The following ATAD5 variants were observed in gnomAD, a reference collection of about 807,000 sequenced individuals.
ATAD5 encodes ATPase family AAA domain-containing protein 5.
Under a neutral mutation model 176.9 loss-of-function variants are expected in ATAD5, and 58 were observed. The observed-to-expected ratio is 0.33, with a 90% CI of 0.27 to 0.41. The LOEUF is 0.41. Among genes scored for constraint, ATAD5 ranks in the 10% least tolerant of loss-of-function variants. ATAD5 has a pLI of 1.00. For missense variants in ATAD5, 1,789 were observed against 2,094.1 expected (o/e 0.85, Z 2.84); for synonymous variants, 640 against 712.6 (o/e 0.90, Z 1.62).
chr17:30,889,059 CA>C (rs58343790), intron 19 of ATAD5, among the ~76,000 whole-genome samples: 16,701 of 82,082 alleles, frequency 0.2, 971 homozygotes, highest in South Asian at 0.34. Context: ...GACTCTGTCT[CA>C]AAAAAAAAAA....
At chr17:30,882,211 G>A (rs574772496) in intron 18 of ATAD5, among the ~76,000 whole-genome samples, 3 of 151,786 alleles carry the variant, frequency 2.0e-5, no homozygotes, top group South Asian at 2.1e-4. Flanking sequence ...AGCCAAGATC[G>A]CGCCATTGCA....
chr17:30,843,877 G>T, intron 4 of ATAD5, 36 bp from the exon 5 acceptor site: 2 of 1,148,566 alleles, frequency 1.7e-6, no homozygotes, highest in South Asian at 4.0e-5. Flanking sequence ...TTAATTATAT[G>T]ATTTAATTAA....
chr17:30,878,728 T>TTTTGTTTTG (rs1908827533), intron 17 of ATAD5, among the ~76,000 whole-genome samples: 1 of 95,872 alleles, frequency 1.0e-5, no homozygotes, highest in African/African-American at 3.8e-5. Context: ...GTTTTTTTTT[T>TTTTGTTTTG]TTTTTTTTTT....
chr17:30,884,072 T>C (rs1222129657), intron 18 of ATAD5, among the ~76,000 whole-genome samples: 1 of 152,166 alleles, frequency 6.6e-6, no homozygotes, highest in Non-Finnish European at 1.5e-5. Flanking sequence ...TCCTGTCCAG[T>C]AGTTGCTGGC....
rs201963119 is a variant in ATAD5 at position 30,856,956 on chromosome 17, G to T, written c.2637G>T (p.Gly879=). 4 of 1,577,144 alleles carry T rather than the reference G, an allele frequency of 2.5e-6. No individual in the cohort carries two copies. In the East Asian group the frequency reaches 6.8e-5, roughly 27 times the overall value. The change falls in exon 8 of 23, where the codon GGG becomes GGT. Residue 879 remains glycine, a splice_region_variant and synonymous_variant. Transcript: ENST00000321990. ...AGATATTTGTCTATTTTTCTTTAGG[G>T]TGTTGTTTGTGGCATTTGAAACCAC... ...RVVHVQQKDD[G]CCLWHLKPPS...
At chr17:30,881,783 G>A (rs1420225997) in intron 18 of ATAD5, among the ~76,000 whole-genome samples, 2 of 151,952 alleles carry the variant, frequency 1.3e-5, no homozygotes, top group African/African-American at 2.4e-5. Flanking sequence ...ATGTGGTAGC[G>A]CACACCTGTA....
chr17:30,858,116 T>C (rs939432987), intron 8 of ATAD5, 45 bp from the exon 9 acceptor site: 2 of 1,394,090 alleles, frequency 1.4e-6, no homozygotes, highest in Non-Finnish European at 1.9e-6. Context: ...TTAACATGAA[T>C]AGATGATGTT....
In ATAD5 at chr17:30,855,255, G is replaced by A; in HGVS notation, c.2563G>A (p.Ala855Thr). The change falls in exon 7 of 23, where the codon GCT becomes ACT. Residue 855 changes from alanine to threonine, a missense_variant. By Grantham distance (58) the Ala-to-Thr change is moderately conservative. Around this residue, in one of 6 missense-constraint regions of ATAD5, gnomAD observed 487 missense variants for 573.6 expected, o/e 0.85. Coordinates refer to ENST00000321990, the MANE Select transcript of ATAD5 (RefSeq NM_024857.5). ...GAAACGGCAAATTGCAAAGAAAGCT[G>A]CTGCGCTGGATGTGTACAATGCAGT... Reference protein sequence around the residue: ...LLKRQIAKKAAALDVYNAVST... With the variant: ...LLKRQIAKKATALDVYNAVST... 1 of 1,614,144 alleles carries A rather than the reference G, an allele frequency of 6.2e-7. No individual in the cohort carries two copies. The highest frequency in any genetic ancestry group is 8.5e-7 in the Non-Finnish European group (1 of 1,180,020).
At chr17:30,884,541 G>A (rs1909208030) in intron 18 of ATAD5, among the ~76,000 whole-genome samples, 1 of 141,170 alleles carries the variant, frequency 7.1e-6, no homozygotes, top group Non-Finnish European at 1.5e-5. Flanking sequence ...CAATTCTCTT[G>A]CCTCAGCCTC....
At chr17:30,866,740 G>A (rs918659572) in intron 11 of ATAD5, among the ~76,000 whole-genome samples, 3 of 151,956 alleles carry the variant, frequency 2.0e-5, no homozygotes, top group Non-Finnish European at 2.9e-5. Context: ...GCCTGAACCC[G>A]GGAGGTGAGG....
In ATAD5 at chr17:30,876,652, T is replaced by A. The variant is rs1908696856; in HGVS notation, c.3784+102T>A. 5.3e-6 allele frequency: 3 copies of A among 568,804 alleles called. No individual in the cohort carries two copies. In the South Asian group the frequency reaches 9.4e-5, roughly 18 times the overall value. The allele number at this position is 568,804 out of a possible 1,614,324, so 35.2% of individuals were successfully genotyped here. On this transcript the variant is annotated intron_variant, in intron 15 of 22. Transcript: ENST00000321990. ...CGAGTTCCTGTTGCTATTTATTAAA[T>A]CTCAGCTACACTGAAGGTTCTACAT...
At chr17:30,837,366 A>C (rs1905810945) in intron 3 of ATAD5, 52 bp downstream of exon 3, 1 of 1,235,916 alleles carries the variant, frequency 8.1e-7, no homozygotes, top group Non-Finnish European at 1.1e-6. Context: ...TCCTTAAAAA[A>C]CAAACAAAAA....
intron 18 of ATAD5, among the ~76,000 whole-genome samples, chr17:30,883,691 C>T (rs1047578430): frequency 2.6e-5 from 4 of 151,960 alleles, no homozygotes; most frequent in African/African-American, 9.7e-5. Flanking sequence ...GGACTACAGG[C>T]GCCTGCCACC....
intron 14 of ATAD5, among the ~76,000 whole-genome samples, chr17:30,874,308 T>C (rs1215853606): frequency 2.6e-5 from 4 of 151,862 alleles, no homozygotes; most frequent in Admixed American, 2.0e-4. Flanking sequence ...TTTGGGAGGC[T>C]GAGGTGGGCG....
At chr17:30,837,559 T>C (rs1905826094) in intron 3 of ATAD5, among the ~76,000 whole-genome samples, 4 of 152,254 alleles carry the variant, frequency 2.6e-5, no homozygotes, top group Admixed American at 2.6e-4. Flanking sequence ...AAAAGCTTTC[T>C]TAGTGAGTTT....
chr17:30,848,721 G>C (rs1204878601), intron 6 of ATAD5, among the ~76,000 whole-genome samples: 1 of 152,050 alleles, frequency 6.6e-6, no homozygotes, highest in Non-Finnish European at 1.5e-5. Flanking sequence ...GCAAACGCTA[G>C]TCTCTTTTCT....
intron 18 of ATAD5, among the ~76,000 whole-genome samples, chr17:30,883,639 C>T (rs1290916257): frequency 1.3e-5 from 2 of 151,354 alleles, no homozygotes; most frequent in Non-Finnish European, 3.0e-5. Context: ...CTCCACCTCC[C>T]AGGTTCATGC....
intron 4 of ATAD5, 149 bp downstream of exon 4, chr17:30,840,930 C>A: frequency 1.3e-6 from 1 of 773,392 alleles, no homozygotes; most frequent in Non-Finnish European, 1.9e-6. Context: ...GCTTTAAAAG[C>A]CTTCTGCTTT....
intron 18 of ATAD5, among the ~76,000 whole-genome samples, chr17:30,886,073 G>A (rs545375180): frequency 6.6e-6 from 1 of 151,628 alleles, no homozygotes; most frequent in East Asian, 1.9e-4. Flanking sequence ...TGGTCATGAT[G>A]TATTATCCAC....
Sources: gnomAD v4.1 joint callset for allele counts (sites outside exome capture counted in the v4.1 genomes callset) on GRCh38, gnomAD v4.1.1 for gene constraint, gnomAD v4.1.1 regional missense constraint, MANE v1.5 for transcripts, NCBI Gene and HGNC (gene_info 2026-07-23, HGNC 2026-07-21) for gene names.